ZCCHC14: variants seen among roughly 807,000 people sequenced by gnomAD.
ZCCHC14 encodes the protein zinc finger CCHC domain-containing protein 14.
A neutral mutation model predicts 85.0 loss-of-function variants in ZCCHC14; 16 were observed. That is an observed-to-expected ratio of 0.19 (90% CI 0.13 to 0.29). The LOEUF is 0.29. Ranked by LOEUF, ZCCHC14 falls within the 10% of genes least tolerant of loss-of-function variation. The probability of loss-of-function intolerance (pLI) is 1.00; values close to 1 mark genes in which losing one functional copy is unlikely to be tolerated. For missense variants in ZCCHC14, 1,303 were observed against 1,443.5 expected (o/e 0.90, Z 1.58); for synonymous variants, 775 against 630.7 (o/e 1.23, Z -3.43).
intron 8 of ZCCHC14, 23 bp downstream of exon 8, chr16:87,417,437 G>T: frequency 6.2e-7 from 1 of 1,609,270 alleles, no homozygotes; most frequent in Non-Finnish European, 8.5e-7. Flanking sequence ...AATTCTGTAC[G>T]GCCAGCCAGA....
chr16:87,417,607 C>A lies in ZCCHC14; in HGVS notation c.1236G>T (p.Arg412=). Residue 412 remains arginine, a synonymous_variant, in exon 8 of 13, where the codon CGG becomes CGT. Coordinates refer to ENST00000671377, the MANE Select transcript of ZCCHC14 (RefSeq NM_015144.3). The part of the protein sequence containing the change: ...AGSAGSALAY[R]TQMDTSPAIL... ...TGGCAGGTGATGTGTCCATCTGGGT[C>A]CGGTAGGCCAGGGCTGAGCCCGCGC... The A allele has an allele frequency of 2.5e-6, 4 of 1,614,236 alleles. No individual in the cohort carries two copies. Among genetic ancestry groups the A allele is most frequent in the Non-Finnish European group, 2.5e-6 (3 of 1,180,036 alleles).
At chr16:87,485,027 T>A (rs2150778412) in intron 1 of ZCCHC14, among the ~76,000 whole-genome samples, 1 of 152,222 alleles carries the variant, frequency 6.6e-6, no homozygotes, top group East Asian at 1.9e-4. Flanking sequence ...CAGGCCCAGA[T>A]AAGACATTTC....
intron 1 of ZCCHC14, among the ~76,000 whole-genome samples, chr16:87,469,043 T>A (rs1911661786): frequency 6.6e-6 from 1 of 152,206 alleles, no homozygotes; most frequent in Admixed American, 6.5e-5. Context: ...AGACACATTG[T>A]GAGAGACCAT....
At chr16:87,486,398 C>T (rs1302552982) in intron 1 of ZCCHC14, among the ~76,000 whole-genome samples, 2 of 152,212 alleles carry the variant, frequency 1.3e-5, no homozygotes, top group African/African-American at 4.8e-5. Context: ...CTATGGTATT[C>T]AGTACAGTAA....
intron 1 of ZCCHC14, among the ~76,000 whole-genome samples, chr16:87,475,613 AGAAAAATCCTGTGGAC>A (rs1281850455): frequency 3.3e-5 from 5 of 152,026 alleles, no homozygotes; most frequent in Admixed American, 3.3e-4. Context: ...TTCTAAACGA[AGAAAAATCCTGTGGAC>A]GAGCTTTAAC....
chr16:87,492,369 G>GCGCGGGCGC lies in ZCCHC14; in HGVS notation c.-140_-132dup, dbSNP rs1183887058. ...GCCGGGGCCGGGTCCGGGCGAGGGC[G>GCGCGGGCGC]CGCGGGCGCCGCGGGCCGGGCGGGC... On this transcript the variant is annotated 5_prime_UTR_variant, in exon 1 of 13. Transcript: ENST00000671377. The surrounding 1 kb of genome is among the most constrained non-coding windows in gnomAD (Gnocchi z 6.7). 6.5e-6 allele frequency: 1 copy of GCGCGGGCGC among 154,084 alleles called. No homozygotes were observed. The highest frequency in any genetic ancestry group is 1.4e-5 in the Non-Finnish European group (1 of 74,032). The allele number at this position is 154,084 out of a possible 1,614,324, so 9.5% of individuals were successfully genotyped here. A position where few individuals can be genotyped will look rare whatever the true frequency, so the allele number is the denominator to read the frequency against.
chr16:87,429,117 T>C (rs1254076344), intron 3 of ZCCHC14, among the ~76,000 whole-genome samples: 1 of 152,222 alleles, frequency 6.6e-6, no homozygotes, highest in Non-Finnish European at 1.5e-5. Flanking sequence ...CCAGACTGTT[T>C]TCCGAAATAG....
chr16:87,413,496 G>A (rs773823863), intron 10 of ZCCHC14, among the ~76,000 whole-genome samples: 5 of 151,446 alleles, frequency 3.3e-5, no homozygotes, highest in Admixed American at 6.6e-5. Flanking sequence ...ACACTACACC[G>A]CACCCCATCT....
intron 2 of ZCCHC14, among the ~76,000 whole-genome samples, chr16:87,444,567 C>T (rs1277363345): frequency 2.0e-5 from 3 of 152,110 alleles, no homozygotes; most frequent in Non-Finnish European, 2.9e-5. Context: ...TCATCAGTAA[C>T]GGAACAAATT....
At chr16:87,478,883 G>A (rs1912142834) in intron 1 of ZCCHC14, among the ~76,000 whole-genome samples, 1 of 152,118 alleles carries the variant, frequency 6.6e-6, no homozygotes, top group African/African-American at 2.4e-5. Flanking sequence ...AGGATTACAG[G>A]CGTGAGCCAC....
At chr16:87,458,550 A>C (rs1444569972) in intron 2 of ZCCHC14, among the ~76,000 whole-genome samples, 2 of 152,168 alleles carry the variant, frequency 1.3e-5, no homozygotes, top group Non-Finnish European at 2.9e-5. Context: ...TTACATCAAC[A>C]GAGGCTGCAG....
chr16:87,414,120 C>A (rs1305468643), intron 10 of ZCCHC14, among the ~76,000 whole-genome samples: 1 of 136,482 alleles, frequency 7.3e-6, no homozygotes, highest in South Asian at 2.1e-4. Context: ...GGCACACCGG[C>A]CCTCTCTGTG....
chr16:87,431,253 C>G (rs1909642573), intron 3 of ZCCHC14, among the ~76,000 whole-genome samples: 1 of 152,038 alleles, frequency 6.6e-6, no homozygotes, highest in Non-Finnish European at 1.5e-5. Context: ...GCGGGTGGAT[C>G]AGGAGGTCAG....
At chr16:87,438,625 T>C (rs1428473836) in intron 2 of ZCCHC14, among the ~76,000 whole-genome samples, 1 of 152,322 alleles carries the variant, frequency 6.6e-6, no homozygotes, top group East Asian at 1.9e-4. Flanking sequence ...TAATCAAATA[T>C]GAATAAAAAC....
intron 1 of ZCCHC14, chr16:87,470,765 G>T (rs1424301734): frequency 1.3e-5 from 2 of 152,250 alleles, no homozygotes; most frequent in African/African-American, 4.8e-5. Context: ...GATGCTCACA[G>T]ATAATGTGAA....
intron 1 of ZCCHC14, chr16:87,471,529 T>G (rs112418905): frequency 1.3e-5 from 2 of 152,368 alleles, no homozygotes; most frequent in African/African-American, 4.8e-5. Context: ...GATGCAAATC[T>G]CTTTCACAAA....
intron 1 of ZCCHC14, among the ~76,000 whole-genome samples, chr16:87,469,726 G>A (rs529546016): frequency 6.6e-6 from 1 of 152,170 alleles, no homozygotes; most frequent in African/African-American, 2.4e-5. Flanking sequence ...GGAGCTCTGG[G>A]AGGATCCAGG....
At chr16:87,478,619 T>TTG (rs1362174167) in intron 1 of ZCCHC14, among the ~76,000 whole-genome samples, 1 of 151,994 alleles carries the variant, frequency 6.6e-6, no homozygotes, top group Admixed American at 6.6e-5. Context: ...CTAATTTTTT[T>TTG]TTTTTTTGAG....
intron 7 of ZCCHC14, among the ~76,000 whole-genome samples, chr16:87,418,157 T>G (rs1908894102): frequency 6.6e-6 from 1 of 152,208 alleles, no homozygotes; most frequent in Non-Finnish European, 1.5e-5. Flanking sequence ...GTATTTCTGT[T>G]ACTTCTAAGT....
Sources: gnomAD v4.1 joint callset for allele counts (sites outside exome capture counted in the v4.1 genomes callset) on GRCh38, gnomAD v4.1.1 for gene constraint, Gnocchi (gnomAD v3.1) non-coding constraint, MANE v1.5 for transcripts, NCBI Gene and HGNC (gene_info 2026-07-23, HGNC 2026-07-21) for gene names.